CFAP61: variants seen among roughly 807,000 people sequenced by gnomAD.
The protein encoded by CFAP61 is cilia- and flagella-associated protein 61.
Under a neutral mutation model 135.6 loss-of-function variants are expected in CFAP61, and 107 were observed. The ratio of observed to expected loss-of-function variants is 0.79; its 90% CI spans 0.67 to 0.93. The LOEUF is 0.93. Ranked by LOEUF, CFAP61 falls within the 40% of genes least tolerant of loss-of-function variation. The probability of loss-of-function intolerance (pLI) is 0.00; values close to 1 mark genes in which losing one functional copy is unlikely to be tolerated. For synonymous variants in CFAP61, 575 were observed against 578.5 expected, an observed-to-expected ratio of 0.99 and a Z score of 0.09; for missense variants, 1,507 against 1,556.2, an observed-to-expected ratio of 0.97 and a Z score of 0.53.
At chr20:20,052,842 A>T in intron 1 of CFAP61, 1 of 969,016 alleles carries the variant, frequency 1.0e-6, no homozygotes, top group Non-Finnish European at 1.5e-6. Flanking sequence ...TTTAGGCTGC[A>T]ATGCCTCGAG....
intron 17 of CFAP61, among the ~76,000 whole-genome samples, chr20:20,201,776 A>G (rs1260619795): frequency 6.6e-6 from 1 of 152,246 alleles, no homozygotes; most frequent in African/African-American, 2.4e-5. Flanking sequence ...GATCAGGGTC[A>G]GGATGAGAGA....
At chr20:20,318,340 A>G (rs993659314) in intron 25 of CFAP61, among the ~76,000 whole-genome samples, 2 of 152,230 alleles carry the variant, frequency 1.3e-5, no homozygotes. Flanking sequence ...TTTTAAAAAA[A>G]TCATTCATTT....
rs200377265 is a variant in CFAP61, at chr20:20,265,451, C to G, written c.2503+2321C>G. On this transcript the variant is annotated intron_variant, in intron 21 of 26. Transcript: ENST00000245957. ...GCATCAGTGTTATTCTGCTGACTTG[C>G]CCAGTTGTCAGGGATGGTGATGCTG... 9.5e-4 allele frequency: 743 copies of G among 779,772 alleles called. 2 individuals are homozygous for G. Among genetic ancestry groups the G allele is most frequent in the Admixed American group, 2.7e-3 (160 of 59,044 alleles). The allele number at this position is 779,772 out of a possible 1,614,324, so 48.3% of individuals were successfully genotyped here. A position where few individuals can be genotyped will look rare whatever the true frequency, so the allele number is the denominator to read the frequency against.
chr20:20,120,601 T>C (rs1295448433), intron 8 of CFAP61, among the ~76,000 whole-genome samples: 1 of 152,214 alleles, frequency 6.6e-6, no homozygotes, highest in East Asian at 1.9e-4. Context: ...CAATGTGTAT[T>C]CTGCAGCAGC....
At chr20:20,083,668 T>C (rs927060888) in intron 6 of CFAP61, among the ~76,000 whole-genome samples, 2 of 152,174 alleles carry the variant, frequency 1.3e-5, no homozygotes, top group African/African-American at 4.8e-5. Flanking sequence ...ATATGAATAA[T>C]TATGAATATC....
chr20:20,190,109 A>G (rs2055814677), intron 14 of CFAP61, among the ~76,000 whole-genome samples: 1 of 152,220 alleles, frequency 6.6e-6, no homozygotes, highest in Admixed American at 6.5e-5. Context: ...AAAAACTAAA[A>G]CTGCAACTAT....
intron 2 of CFAP61, 32 bp from the exon 3 acceptor site, chr20:20,070,822 A>C: frequency 6.3e-7 from 1 of 1,594,474 alleles, no homozygotes; most frequent in Non-Finnish European, 8.5e-7. Flanking sequence ...TTGTAATCTT[A>C]TTCATGTTTG....
rs887888456 is a variant in CFAP61 at position 20,056,849 on chromosome 20, A to G, written c.143+53A>G. The G allele has an allele frequency of 2.6e-6, 4 of 1,535,200 alleles. No individual in the cohort carries two copies. In the African/African-American group the frequency reaches 5.5e-5, roughly 21 times the overall value. On this transcript the variant is annotated intron_variant, in intron 2 of 26. Transcript: ENST00000245957. ...TTCATCAATTTTGGTTGGGTGCAGT[A>G]GCTCACACCTGTAATCTCAGCACTT...
chr20:20,356,076 T>C (rs1323891722), intron 26 of CFAP61, among the ~76,000 whole-genome samples: 1 of 112,208 alleles, frequency 8.9e-6, no homozygotes, highest in Non-Finnish European at 1.8e-5. Flanking sequence ...AGTGACACTG[T>C]GAGCAGAGAT....
At chr20:20,099,792 G>A (rs1457999583) in intron 8 of CFAP61, among the ~76,000 whole-genome samples, 1 of 152,178 alleles carries the variant, frequency 6.6e-6, no homozygotes, top group African/African-American at 2.4e-5. Flanking sequence ...CAGAAATGGG[G>A]AAAGGAGCAC....
intron 21 of CFAP61, among the ~76,000 whole-genome samples, chr20:20,275,150 AGCAAAT>A (rs2053653866): frequency 6.6e-6 from 1 of 152,200 alleles, no homozygotes. Flanking sequence ...CCCCATAGAT[AGCAAAT>A]GCCTCAGGTA....
At chr20:20,123,971 G>GTTTTTTTTTTTTTTTTTTTT (rs35528584) in intron 8 of CFAP61, among the ~76,000 whole-genome samples, 1 of 65,266 alleles carries the variant, frequency 1.5e-5, no homozygotes, top group Non-Finnish European at 2.9e-5. Flanking sequence ...ATATTCCTAA[G>GTTTTTTTTTTTTTTTTTTTT]TTTTTTTTTT....
intron 25 of CFAP61, among the ~76,000 whole-genome samples, chr20:20,319,590 C>A (rs1376296436): frequency 6.6e-6 from 1 of 152,220 alleles, no homozygotes; most frequent in Non-Finnish European, 1.5e-5. Context: ...TTCCCTTCAA[C>A]CATGACTGAA....
At chr20:20,140,407 T>C (rs2051291731) in intron 8 of CFAP61, among the ~76,000 whole-genome samples, 2 of 115,988 alleles carry the variant, frequency 1.7e-5, no homozygotes, top group African/African-American at 6.8e-5. Flanking sequence ...TGTGTTCTCA[T>C]TGTTCATTTC....
intron 22 of CFAP61, among the ~76,000 whole-genome samples, chr20:20,286,796 A>C (rs1434798753): frequency 6.6e-6 from 1 of 152,236 alleles, no homozygotes; most frequent in African/African-American, 2.4e-5. Context: ...TGCCTACACC[A>C]AAAGTGTATA....
chr20:20,180,833 G>T (rs1002533149), intron 13 of CFAP61, among the ~76,000 whole-genome samples: 2 of 152,158 alleles, frequency 1.3e-5, no homozygotes, highest in African/African-American at 4.8e-5. Flanking sequence ...CCATAAAAAA[G>T]AATGAGATCT....
At chr20:20,275,833 G>A (rs547521921) in intron 21 of CFAP61, among the ~76,000 whole-genome samples, 72 of 152,306 alleles carry the variant, frequency 4.7e-4, no homozygotes, top group African/African-American at 1.6e-3. Context: ...TTCATGTTTC[G>A]TAGCAGCTGG....
chr20:20,281,489 A>G (rs895595103), intron 22 of CFAP61, among the ~76,000 whole-genome samples: 19 of 152,116 alleles, frequency 1.2e-4, no homozygotes, highest in African/African-American at 4.6e-4. Flanking sequence ...TGAATTTTCC[A>G]TATTTCTTAA....
At chr20:20,114,868 T>TCAAGA (rs1450198334) in intron 8 of CFAP61, among the ~76,000 whole-genome samples, 27 of 152,340 alleles carry the variant, frequency 1.8e-4, no homozygotes, top group African/African-American at 6.5e-4. Flanking sequence ...GAATACTCAT[T>TCAAGA]ATCAGGTCAA....
Sources: allele counts gnomAD v4.1 joint callset (sites outside exome capture counted in the v4.1 genomes callset), GRCh38; gene constraint gnomAD v4.1.1; transcripts MANE v1.5; gene names NCBI Gene and HGNC (gene_info 2026-07-23, HGNC 2026-07-21).